Variants in RPL18 observed in about 807,000 individuals in gnomAD.
RPL18 encodes ribosomal protein L18, also known as large ribosomal subunit protein eL18.
Under a neutral mutation model 25.0 loss-of-function variants are expected in RPL18, and 4 were observed. The ratio of observed to expected loss-of-function variants is 0.16; its 90% CI spans 0.08 to 0.37. The LOEUF (loss-of-function observed/expected upper bound fraction) is 0.37. Among genes scored for constraint, RPL18 ranks in the 10% least tolerant of loss-of-function variants. The probability of loss-of-function intolerance (pLI) is 1.00; values close to 1 mark genes in which losing one functional copy is unlikely to be tolerated. For synonymous variants in RPL18, 129 were observed against 101.6 expected, an observed-to-expected ratio of 1.27 and a Z score of -1.62; for missense variants, 179 against 267.9, an observed-to-expected ratio of 0.67 and a Z score of 2.32.
At chr19:48,617,670 A>C (rs980314567) in intron 2 of RPL18, 121 bp downstream of exon 2, 7 of 776,722 alleles carry the variant, frequency 9.0e-6, no homozygotes, top group African/African-American at 5.2e-5. Flanking sequence ...CTGGAACAGA[A>C]CCAGAGACCC....
In RPL18 at chr19:48,617,546, G is replaced by C. The variant is rs534787885; in HGVS notation, c.91-123C>G. The C allele has an allele frequency of 2.8e-5, 22 of 795,596 alleles. No homozygotes were observed. In the African/African-American group the frequency reaches 3.5e-4, roughly 13 times the overall value. 49.3% of individuals were successfully genotyped at this position (795,596 alleles called of 1,614,324 possible). A position where few individuals can be genotyped will look rare whatever the true frequency, so the allele number is the denominator to read the frequency against. ...CTTTATCCCTTTCCCCCAACCCACC[G>C]ACCTAGAGGGAGAAAGCTGGCCCAG... On this transcript the variant is annotated intron_variant, in intron 2 of 6. Coordinates refer to ENST00000549920, the MANE Select transcript of RPL18 (RefSeq NM_000979.4).
intron 3 of RPL18, 25 bp from the exon 4 acceptor site, chr19:48,616,849 G>GT (rs1366306225): frequency 2.6e-6 from 4 of 1,566,928 alleles, no homozygotes; most frequent in East Asian, 4.5e-5. Context: ...GATGTACGTC[G>GT]TAAGTTGTTC....
rs1439751276 is a variant in RPL18, at chr19:48,617,795, A to C, written c.86T>G (p.Val29Gly). The change falls in exon 2 of 7, where the codon GTC becomes GGC. Residue 29 changes from valine (V) to glycine (G), a missense_variant. Val to Gly is a moderately radical substitution (Grantham distance 109, BLOSUM62 -3). Coordinates refer to ENST00000549920, the MANE Select transcript of RPL18 (RefSeq NM_000979.4). ...KSQDIYLRLLVKLYRFLARRT... is the reference protein window; with the variant it reads ...KSQDIYLRLLGKLYRFLARRT... ...GACCTCAGGGCCCAGCCTCACCTTGACCAACAGCCTCAGGTAGATATCCTG... is the reference window on the plus strand; with the variant it reads ...GACCTCAGGGCCCAGCCTCACCTTGCCCAACAGCCTCAGGTAGATATCCTG... 1 of 1,613,476 alleles carries C rather than the reference A, an allele frequency of 6.2e-7. No individual in the cohort carries two copies. The highest frequency in any genetic ancestry group is 8.5e-7 in the Non-Finnish European group (1 of 1,179,502).
At chr19:48,617,528 C>T (rs1974212671) in intron 2 of RPL18, 105 bp from the exon 3 acceptor site, 1 of 916,354 alleles carries the variant, frequency 1.1e-6, no homozygotes, top group South Asian at 1.5e-5. Context: ...AATCTTTATC[C>T]CTTTCCCCCA....
rs760124704 is a variant in RPL18 at position 48,615,888 on chromosome 19, G to A, written c.480C>T (p.His160=). The stretch of plus-strand genomic sequence containing the variant: ...GGCCTGATACTCACTTGGTGTGGCT[G>A]TGCGGGGTTCCTGGGGCCTTGCCGA... ...RHFGKAPGTP[H]SHTKPYVRSK... The change falls in exon 6 of 7, where the codon CAC becomes CAT. Residue 160 remains histidine, a synonymous_variant. Coordinates refer to ENST00000549920, the MANE Select transcript of RPL18 (RefSeq NM_000979.4). 31 of 1,611,480 alleles carry A rather than the reference G, an allele frequency of 1.9e-5. No homozygotes were observed. The African/African-American group carries it at 3.2e-4, about 17-fold the overall frequency.
chr19:48,616,529 C>T lies in RPL18; in HGVS notation c.297+197G>A. 7 of 706,024 alleles carry T rather than the reference C, an allele frequency of 9.9e-6. No homozygotes were observed. The South Asian group carries it at 1.0e-4, about 11-fold the overall frequency. The allele number at this position is 706,024 out of a possible 1,614,324, so 43.7% of individuals were successfully genotyped here. Reference sequence around the variant, plus strand: ...AGTTTACAACTTGCCCCAGAAGAAGCTTGCCCAGGGGACCCCACCATCAAC... The same window carrying T: ...AGTTTACAACTTGCCCCAGAAGAAGTTTGCCCAGGGGACCCCACCATCAAC... On this transcript the variant is annotated intron_variant, in intron 4 of 6. Transcript: ENST00000549920.
intron 1 of RPL18, 48 bp downstream of exon 1, chr19:48,619,093 C>G: frequency 2.0e-6 from 3 of 1,524,794 alleles, no homozygotes; most frequent in Non-Finnish European, 2.7e-6. Context: ...AAAACCACGG[C>G]GGATGGCAGC....
intron 6 of RPL18, chr19:48,615,660 TGAA>T (rs1974144630): frequency 1.6e-6 from 1 of 642,340 alleles, no homozygotes; most frequent in East Asian, 2.7e-5. Context: ...CAAAGGCCGG[TGAA>T]CTGCATGCTC....
Position 48,616,830 on chromosome 19 carries a change from G to T in RPL18, c.199-6C>A. On this transcript the variant is annotated splice_polypyrimidine_tract_variant and splice_region_variant and intron_variant, in intron 3 of 6. Coordinates refer to ENST00000549920, the MANE Select transcript of RPL18 (RefSeq NM_000979.4). ...GGAAGCTTCATCTTCCGGATCTTAG[G>T]GTGGGGAGGATGTACGTCGTAAGTT... 2.5e-6 allele frequency: 4 copies of T among 1,606,934 alleles called. No homozygotes were observed. The highest frequency in any genetic ancestry group is 3.4e-6 in the Non-Finnish European group (4 of 1,174,088).
At chr19:48,616,000 G>A in intron 5 of RPL18, 54 bp from the exon 6 acceptor site, 8 of 1,612,724 alleles carry the variant, frequency 5.0e-6, no homozygotes, top group Non-Finnish European at 6.8e-6. Flanking sequence ...CCCAGCTTCT[G>A]GCCTCCCAGA....
At chr19:48,615,776 C>A in intron 6 of RPL18, 101 bp downstream of exon 6, 3 of 1,045,290 alleles carry the variant, frequency 2.9e-6, no homozygotes, top group Non-Finnish European at 2.9e-6. Context: ...AGGCCTGGGG[C>A]TGGCTGGTAC....
intron 1 of RPL18, 97 bp from the exon 2 acceptor site, chr19:48,617,974 T>C: frequency 1.1e-6 from 1 of 911,822 alleles, no homozygotes; most frequent in Non-Finnish European, 1.8e-6. Flanking sequence ...CAAGCCCAGG[T>C]CTGAACACAC....
At chr19:48,617,236 C>A (rs1974202174) in intron 3 of RPL18, 80 bp downstream of exon 3, 2 of 1,101,386 alleles carry the variant, frequency 1.8e-6, no homozygotes, top group East Asian at 2.3e-5. Flanking sequence ...GCTCCCAGAG[C>A]TCCAAGTCCT....
intron 4 of RPL18, 108 bp from the exon 5 acceptor site, chr19:48,616,310 C>CT: frequency 7.2e-7 from 1 of 1,394,828 alleles, no homozygotes; most frequent in Non-Finnish European, 9.8e-7. Context: ...GTAACCAACA[C>CT]TATCGTTTAC....
At chr19:48,615,479 C>T in intron 6 of RPL18, 32 bp from the exon 7 acceptor site, 1 of 1,557,378 alleles carries the variant, frequency 6.4e-7, no homozygotes, top group Non-Finnish European at 8.8e-7. Flanking sequence ...AGAGGGGGGC[C>T]CTCTTAAAGG....
intron 4 of RPL18, 24 bp from the exon 5 acceptor site, chr19:48,616,226 G>T: frequency 6.2e-7 from 1 of 1,611,956 alleles, no homozygotes. Flanking sequence ...CAAGGCTGGC[G>T]GGTCAGACCC....
At chr19:48,617,724 T>C (rs764452511) in intron 2 of RPL18, 67 bp downstream of exon 2, 1 of 1,274,756 alleles carries the variant, frequency 7.8e-7, no homozygotes, top group Non-Finnish European at 1.1e-6. Flanking sequence ...GTGCCAGCAC[T>C]AGAATGGAGG....
At position 48,618,057 on chromosome 19, in the gene RPL18, T is replaced by C. The variant is rs949817200; in HGVS notation, c.4-180A>G. ...GATCCCTCTGTAAAAAGGGGCTGTT[T>C]ACAAAGCCTTCAGCCCATGGCACAC... On this transcript the variant is annotated intron_variant, in intron 1 of 6. Transcript: ENST00000549920. The C allele has an allele frequency of 3.0e-5, 17 of 563,360 alleles. No individual in the cohort carries two copies. The African/African-American group carries it at 3.2e-4, about 11-fold the overall frequency. The allele number at this position is 563,360 out of a possible 1,614,324, so 34.9% of individuals were successfully genotyped here. A position where few individuals can be genotyped will look rare whatever the true frequency, so the allele number is the denominator to read the frequency against.
At position 48,615,459 on chromosome 19, in the gene RPL18, G is replaced by A; in HGVS notation, c.492-12C>T. 1 of 1,607,526 alleles carries A rather than the reference G, an allele frequency of 6.2e-7. No homozygotes were observed. The highest frequency in any genetic ancestry group is 8.5e-7 in the Non-Finnish European group (1 of 1,176,068). Reference sequence around the variant, plus strand: ...AGCGGACGTAGGGTCTGTGGGGAGAGGAGGGAGTGAGAGGGGGGCCCTCTT... The same window carrying A: ...AGCGGACGTAGGGTCTGTGGGGAGAAGAGGGAGTGAGAGGGGGGCCCTCTT... On this transcript the variant is annotated splice_polypyrimidine_tract_variant and intron_variant, in intron 6 of 6. Transcript: ENST00000549920.
Sources: gnomAD v4.1 joint callset for allele counts on GRCh38, gnomAD v4.1.1 for gene constraint, MANE v1.5 for transcripts, NCBI Gene and HGNC (gene_info 2026-07-23, HGNC 2026-07-21) for gene names.